Variants in MYH7B observed in about 807,000 individuals in gnomAD.
MYH7B encodes the protein myosin heavy chain 7B.
A neutral mutation model predicts 234.5 loss-of-function variants in MYH7B; 205 were observed. That is an observed-to-expected ratio of 0.87 (90% confidence interval 0.78 to 0.98). The LOEUF is 0.98. Ranked by LOEUF, MYH7B falls within the 50% of genes least tolerant of loss-of-function variation. The probability of loss-of-function intolerance (pLI) is 0.00; values close to 1 mark genes in which losing one functional copy is unlikely to be tolerated. For synonymous variants in MYH7B, 1,193 were observed against 1,105.0 expected, an observed-to-expected ratio of 1.08 and a Z score of -1.58; for missense variants, 2,652 against 2,633.4, an observed-to-expected ratio of 1.01 and a Z score of -0.15.
intron 24 of MYH7B, among the ~76,000 whole-genome samples, chr20:34,992,273 C>T (rs2082167260): frequency 6.6e-6 from 1 of 151,528 alleles, no homozygotes; most frequent in Non-Finnish European, 1.5e-5. Context: ...GTAGTCCCAG[C>T]TACTCGGGAG....
At chr20:34,971,755 C>A (rs2081795632) in intron 2 of MYH7B, among the ~76,000 whole-genome samples, 1 of 152,214 alleles carries the variant, frequency 6.6e-6, no homozygotes, top group South Asian at 2.1e-4. Flanking sequence ...ATAAATCTGA[C>A]CACACTGTCA....
rs377232024 is a variant in MYH7B, at chr20:34,989,820, C to A, written c.1668C>A (p.Tyr556Ter). Reference sequence around the variant, plus strand: ...ACGCCAGCTTCCGGGCCAAGCTCTACGACAACCACGCGGGGAAGTCACCCA... The same window carrying A: ...ACGCCAGCTTCCGGGCCAAGCTCTAAGACAACCACGCGGGGAAGTCACCCA... The change falls in exon 20 of 45, where the codon TAC becomes TAA. Residue 556 changes from tyrosine (Y) to a stop codon, truncating the protein, a stop_gained. Transcript: ENST00000262873. LOFTEE classifies it high-confidence loss of function. The A allele has an allele frequency of 4.3e-6, 7 of 1,614,062 alleles. No individual in the cohort carries two copies. In the African/African-American group the frequency reaches 9.3e-5, roughly 22 times the overall value.
intron 38 of MYH7B, 131 bp from the exon 39 acceptor site, chr20:35,000,162 C>T (rs1175000841): frequency 8.3e-7 from 1 of 1,198,274 alleles, no homozygotes; most frequent in Non-Finnish European, 1.2e-6. Context: ...CAGGCAGTCA[C>T]AAGAGACTTT....
chr20:34,981,072 G>T lies in MYH7B; in HGVS notation c.527+12G>T, dbSNP rs1232876887. 1.9e-6 allele frequency: 3 copies of T among 1,613,596 alleles called. No homozygotes were observed. The Admixed American group carries it at 5.0e-5, about 27-fold the overall frequency. ...TCCATGCTGATCACGTGAGTGTGGGGCTCTGGGGGTGGGGTGGAAAATGCT... is the reference window on the plus strand; with the variant it reads ...TCCATGCTGATCACGTGAGTGTGGGTCTCTGGGGGTGGGGTGGAAAATGCT... On this transcript the variant is annotated intron_variant, in intron 9 of 44. Coordinates refer to ENST00000262873, the Ensembl canonical transcript of MYH7B.
chr20:34,977,738 G>GGGGGGGGGGGGGGGGGGGGGGGCCCCC, intron 4 of MYH7B, 58 bp downstream of exon 4: 1 of 317,138 alleles, frequency 3.2e-6, no homozygotes, highest in Non-Finnish European at 5.9e-6. Flanking sequence ...GGGCGGGTGG[G>GGGGGGGGGGGGGGGGGGGGGGGCCCCC]TGAGGGTGCC....
At chr20:34,979,750 C>G (rs774706367) in exon 7 of MYH7B, 1 of 1,614,184 alleles carries the variant, frequency 6.2e-7, no homozygotes. Context: ...CGCACCTGAA[C>G]GAGGCCTCTG....
chr20:34,996,933 G>A (rs1158709089), intron 30 of MYH7B, 150 bp from the exon 31 acceptor site: 2 of 1,266,468 alleles, frequency 1.6e-6, no homozygotes, highest in East Asian at 5.1e-5. Flanking sequence ...GCCCTAGCCA[G>A]GGTCCAGGGC....
At chr20:34,956,722 G>T (rs533320384) in intron 1 of MYH7B, among the ~76,000 whole-genome samples, 2 of 152,278 alleles carry the variant, frequency 1.3e-5, no homozygotes, top group East Asian at 1.9e-4. Context: ...GAGGTGAGAG[G>T]CTGGGATGGG....
Position 34,982,439 on chromosome 20 carries a change from T to G in MYH7B, c.528-20T>G, listed in dbSNP as rs780898297. On this transcript the variant is annotated intron_variant, in intron 9 of 44. Transcript: ENST00000262873. ...ATTAGGCCAGATGGGCATTGGTGAC[T>G]CATGTTTGTGTCGTCCAAGCGGAGA... 21 of 1,612,068 alleles carry G rather than the reference T, an allele frequency of 1.3e-5. No individual in the cohort carries two copies. The highest frequency in any genetic ancestry group is 1.6e-4 in the Middle Eastern group (1 of 6,084).
At chr20:34,977,140 C>T (rs2081867448) in intron 3 of MYH7B, among the ~76,000 whole-genome samples, 1 of 140,402 alleles carries the variant, frequency 7.1e-6, no homozygotes, top group African/African-American at 2.6e-5. Context: ...ATCTGTTCTT[C>T]TCCTTCTCTC....
chr20:34,987,740 C>T (rs1001962456), intron 17 of MYH7B, 25 bp from the exon 18 acceptor site: 8 of 1,613,800 alleles, frequency 5.0e-6, no homozygotes, highest in Admixed American at 1.7e-5. Flanking sequence ...TGCCAGGTCC[C>T]AGCCCAGCCT....
At chr20:34,958,627 G>A (rs777481852) in intron 2 of MYH7B, among the ~76,000 whole-genome samples, 7 of 152,082 alleles carry the variant, frequency 4.6e-5, no homozygotes, top group Non-Finnish European at 7.4e-5. Context: ...CACCATGCCC[G>A]GCTAATTTTT....
chr20:34,991,129 A>T lies in MYH7B; in HGVS notation c.2183+8A>T. The T allele has an allele frequency of 1.3e-6, 2 of 1,587,946 alleles. No individual in the cohort carries two copies. The highest frequency in any genetic ancestry group is 1.7e-6 in the Non-Finnish European group (2 of 1,162,708). On this transcript the variant is annotated splice_region_variant and intron_variant, in intron 24 of 44. Coordinates refer to ENST00000262873, the Ensembl canonical transcript of MYH7B. Reference sequence around the variant, plus strand: ...CACCGACTTCCGGCAGCGGTGGGTGACCCCTTCCCCCTGCCTGCTGCTCCA... The same window carrying T: ...CACCGACTTCCGGCAGCGGTGGGTGTCCCCTTCCCCCTGCCTGCTGCTCCA...
chr20:35,001,739 T>C, intron 43 of MYH7B: 4 of 904,246 alleles, frequency 4.4e-6, no homozygotes, highest in East Asian at 2.6e-5. Flanking sequence ...TGGGGCTGCC[T>C]CTGAGGGGTG....
chr20:35,002,328 G>C, exon 45 of MYH7B: 1 of 924,936 alleles, frequency 1.1e-6, no homozygotes. Context: ...ACCACAGCCA[G>C]TTTCCTTCTC....
At chr20:34,970,784 G>A (rs2081785975) in intron 2 of MYH7B, among the ~76,000 whole-genome samples, 1 of 152,168 alleles carries the variant, frequency 6.6e-6, no homozygotes, top group Non-Finnish European at 1.5e-5. Flanking sequence ...AAGAGTCAGA[G>A]GCCAAGACAG....
chr20:34,993,204 G>A (rs2082188551), exon 25 of MYH7B: 1 of 1,613,900 alleles, frequency 6.2e-7, no homozygotes, highest in Admixed American at 1.7e-5. Context: ...ATCACACCCA[G>A]TACCAGTTTG....
chr20:34,985,147 G>T lies in MYH7B; in HGVS notation c.805+18G>T, dbSNP rs995425639. On this transcript the variant is annotated intron_variant, in intron 13 of 44. Coordinates refer to ENST00000262873, the Ensembl canonical transcript of MYH7B. The stretch of plus-strand genomic sequence containing the variant: ...TGACAGCTGTGAGTCAACCCCCTGC[G>T]GGCGGTGCAGGGGAAGGAGGCCTGA... 6.2e-7 allele frequency: 1 copy of T among 1,612,122 alleles called. No homozygotes were observed. The highest frequency in any genetic ancestry group is 8.5e-7 in the Non-Finnish European group (1 of 1,178,242).
exon 45 of MYH7B, chr20:35,002,434 T>C: frequency 5.0e-6 from 2 of 402,472 alleles, no homozygotes; most frequent in Non-Finnish European, 8.7e-6. Flanking sequence ...TTTAATAGTC[T>C]CCATTTAATT....
Sources: gnomAD v4.1 joint callset for allele counts (sites outside exome capture counted in the v4.1 genomes callset) on GRCh38, gnomAD v4.1.1 for gene constraint, MANE v1.5 for transcripts, NCBI Gene and HGNC (gene_info 2026-07-23, HGNC 2026-07-21) for gene names.